The following HEPHL1 variants were observed in gnomAD, a reference collection of about 807,000 sequenced individuals.
HEPHL1 encodes the protein hephaestin like 1, also known as ferroxidase HEPHL1.
Under a neutral mutation model 122.0 loss-of-function variants are expected in HEPHL1, and 123 were observed. The observed-to-expected ratio is 1.01, with a 90% CI of 0.87 to 1.17. The LOEUF (loss-of-function observed/expected upper bound fraction) is 1.17. Ranked by LOEUF, HEPHL1 falls within the 50% of genes most tolerant of loss-of-function variation. The pLI is 0.00. For synonymous variants in HEPHL1, 527 were observed against 508.9 expected (o/e 1.04, Z -0.48); for missense variants, 1,452 against 1,430.5 (o/e 1.01, Z -0.24).
chr11:94,047,783 T>G (rs557446228), intron 2 of HEPHL1, among the ~76,000 whole-genome samples: 6 of 152,310 alleles, frequency 3.9e-5, no homozygotes, highest in African/African-American at 1.4e-4. Flanking sequence ...TTAATAGAGT[T>G]AATGGTGTCC....
At chr11:94,078,476 T>TATATATATATATATA (rs1946144722) in intron 9 of HEPHL1, among the ~76,000 whole-genome samples, 4 of 125,908 alleles carry the variant, frequency 3.2e-5, no homozygotes, top group Admixed American at 8.0e-5. Context: ...TATATATATA[T>TATATATATATATATA]GGAGAAAGAG....
At chr11:94,102,804 C>A in intron 14 of HEPHL1, 110 bp from the exon 15 acceptor site, 3 of 617,458 alleles carry the variant, frequency 4.9e-6, no homozygotes, top group Admixed American at 3.0e-5. Context: ...GTAATTCTCT[C>A]CAGCAATAAA....
intron 12 of HEPHL1, among the ~76,000 whole-genome samples, chr11:94,089,366 G>A (rs142363014): frequency 2.6e-4 from 39 of 152,326 alleles, no homozygotes; most frequent in Admixed American, 1.4e-3. Flanking sequence ...AGGAAAGGTT[G>A]AGGCTGAGCC....
intron 13 of HEPHL1, among the ~76,000 whole-genome samples, chr11:94,099,193 T>G (rs1946346635): frequency 6.6e-6 from 1 of 152,218 alleles, no homozygotes; most frequent in African/African-American, 2.4e-5. Flanking sequence ...GGGGTTTTGG[T>G]GTGGATTTGC....
chr11:94,085,539 T>TTCA (rs1188591336), intron 10 of HEPHL1, among the ~76,000 whole-genome samples: 1 of 152,206 alleles, frequency 6.6e-6, no homozygotes, highest in African/African-American at 2.4e-5. Context: ...GCATGTCTGA[T>TTCA]AACTTCTAGA....
chr11:94,050,315 T>C (rs1945878599), intron 2 of HEPHL1, among the ~76,000 whole-genome samples: 1 of 152,176 alleles, frequency 6.6e-6, no homozygotes, highest in Non-Finnish European at 1.5e-5. Context: ...CCAGTCTGTA[T>C]ACCTTTACGT....
intron 12 of HEPHL1, among the ~76,000 whole-genome samples, chr11:94,092,111 C>A (rs1946266881): frequency 6.6e-6 from 1 of 152,150 alleles, no homozygotes; most frequent in South Asian, 2.1e-4. Context: ...TGATTAGGAA[C>A]AATTCCACCC....
intron 13 of HEPHL1, among the ~76,000 whole-genome samples, chr11:94,095,609 A>G (rs905715107): frequency 2.0e-5 from 3 of 151,896 alleles, no homozygotes; most frequent in African/African-American, 7.2e-5. Flanking sequence ...CCATTGGGAA[A>G]TGGCAGTATG....
intron 9 of HEPHL1, among the ~76,000 whole-genome samples, chr11:94,075,685 G>A (rs890405294): frequency 2.0e-5 from 3 of 152,104 alleles, no homozygotes; most frequent in Admixed American, 6.6e-5. Context: ...CACATGGAAT[G>A]CTAATTGGAA....
intron 1 of HEPHL1, among the ~76,000 whole-genome samples, chr11:94,022,420 T>C (rs1246285439): frequency 3.3e-5 from 5 of 152,228 alleles, no homozygotes; most frequent in Non-Finnish European, 7.3e-5. Flanking sequence ...GCATTCTGCA[T>C]CCATGTTCCA....
At chr11:94,092,503 G>A (rs1454892217) in intron 12 of HEPHL1, among the ~76,000 whole-genome samples, 1 of 152,168 alleles carries the variant, frequency 6.6e-6, no homozygotes, top group Non-Finnish European at 1.5e-5. Flanking sequence ...CTCTCATACT[G>A]TAAACAAATG....
chr11:94,035,974 G>A (rs1011428137), intron 1 of HEPHL1, among the ~76,000 whole-genome samples: 1 of 152,212 alleles, frequency 6.6e-6, no homozygotes, highest in African/African-American at 2.4e-5. Flanking sequence ...CTGACCTCGT[G>A]ATCCGCCCGC....
Position 94,093,516 on chromosome 11 carries a change from T to C in HEPHL1, c.2310T>C (p.Phe770=), listed in dbSNP as rs1203449104. 2.5e-6 allele frequency: 4 copies of C among 1,613,380 alleles called. No individual in the cohort carries two copies. Among genetic ancestry groups the C allele is most frequent in the Non-Finnish European group, 3.4e-6 (4 of 1,179,736 alleles). Residue 770 remains phenylalanine (F), a synonymous_variant, in exon 13 of 20, where the codon TTT becomes TTC. Transcript: ENST00000315765. ...TGATTTGCAGACATGGAGATATATT[T>C]ATGAACCGCACTGAAAATTGGATTG... is the stretch of plus-strand genomic sequence containing the variant. ...DARGERHGDI[F]MNRTENWIGS...
Position 94,031,676 on chromosome 11 carries a change from G to A in HEPHL1, c.170+10138G>A, listed in dbSNP as rs1412206972. ...TGCTGCCTCTGGGAGGTCTTGTCCT[G>A]TGATTCCTGGGGTTCTTCTCTAGTC... On this transcript the variant is annotated intron_variant, in intron 1 of 19. Coordinates refer to ENST00000315765, the MANE Select transcript of HEPHL1 (RefSeq NM_001098672.2). 2.0e-5 allele frequency among the ~76,000 whole-genome samples: 3 copies of A among 152,318 alleles called. No homozygotes were observed. In the East Asian group the frequency reaches 5.8e-4, roughly 29 times the overall value.
intron 1 of HEPHL1, among the ~76,000 whole-genome samples, chr11:94,023,652 C>T (rs1025292180): frequency 6.6e-6 from 1 of 152,178 alleles, no homozygotes; most frequent in Non-Finnish European, 1.5e-5. Context: ...TATGATAGTG[C>T]GTTTGTTCTT....
intron 2 of HEPHL1, among the ~76,000 whole-genome samples, chr11:94,054,037 TGA>T (rs1276948035): frequency 6.6e-6 from 1 of 152,236 alleles, no homozygotes; most frequent in African/African-American, 2.4e-5. Context: ...TATCAGTTAT[TGA>T]GAGTTGAGTA....
At chr11:94,054,751 C>T (rs1945921560) in intron 2 of HEPHL1, among the ~76,000 whole-genome samples, 2 of 152,182 alleles carry the variant, frequency 1.3e-5, no homozygotes, top group South Asian at 4.1e-4. Context: ...GCTGGAGCTA[C>T]AGTAGACCTC....
intron 2 of HEPHL1, among the ~76,000 whole-genome samples, chr11:94,046,806 T>A (rs1046583272): frequency 6.6e-6 from 1 of 151,986 alleles, no homozygotes; most frequent in Non-Finnish European, 1.5e-5. Flanking sequence ...ATCAAAAATA[T>A]TTTTTTTGAA....
intron 2 of HEPHL1, 21 bp from the exon 3 acceptor site, chr11:94,063,487 T>C: frequency 6.5e-7 from 1 of 1,540,768 alleles, no homozygotes; most frequent in Non-Finnish European, 8.8e-7. Context: ...TACCTTTTTT[T>C]TTAATTTTAT....
Sources: allele counts gnomAD v4.1 joint callset (sites outside exome capture counted in the v4.1 genomes callset), GRCh38; gene constraint gnomAD v4.1.1; transcripts MANE v1.5; gene names NCBI Gene and HGNC (gene_info 2026-07-23, HGNC 2026-07-21).